Variants in SPTBN1 observed in about 807,000 individuals in gnomAD.
SPTBN1 encodes spectrin beta chain, non-erythrocytic 1.
SPTBN1 carries 32 observed loss-of-function variants against 266.4 expected under a neutral mutation model. That is an observed-to-expected ratio of 0.12 (90% CI 0.09 to 0.16). SPTBN1 has a LOEUF of 0.16. Ranked by LOEUF, SPTBN1 falls within the 10% of genes least tolerant of loss-of-function variation. The probability of loss-of-function intolerance (pLI) is 1.00; values close to 1 mark genes in which losing one functional copy is unlikely to be tolerated. For missense variants in SPTBN1, 2,296 were observed against 3,067.1 expected (o/e 0.75, Z 5.94); for synonymous variants, 1,336 against 1,162.2 (o/e 1.15, Z -3.04).
chr2:54,524,010 C>A (rs570567636), intron 1 of SPTBN1, among the ~76,000 whole-genome samples: 37 of 152,052 alleles, frequency 2.4e-4, no homozygotes, highest in African/African-American at 8.4e-4. Flanking sequence ...ACCAGCCTGG[C>A]CAATATAGTG....
At chr2:54,520,947 TG>T (rs1227571368) in intron 1 of SPTBN1, among the ~76,000 whole-genome samples, 1 of 152,120 alleles carries the variant, frequency 6.6e-6, no homozygotes, top group Non-Finnish European at 1.5e-5. Context: ...TTCCTAATGG[TG>T]GAACCACCAG....
chr2:54,478,133 T>C (rs1044219158), intron 1 of SPTBN1, among the ~76,000 whole-genome samples: 6 of 152,108 alleles, frequency 3.9e-5, no homozygotes, highest in Non-Finnish European at 7.3e-5. Context: ...TATCCAGGGA[T>C]ATGACAAACA....
chr2:54,658,415 C>T (rs1303777176), intron 30 of SPTBN1, among the ~76,000 whole-genome samples: 1 of 152,148 alleles, frequency 6.6e-6, no homozygotes, highest in African/African-American at 2.4e-5. Flanking sequence ...AATTAGAATT[C>T]CCATCAAATG....
chr2:54,648,797 G>T (rs1047345278), intron 24 of SPTBN1, among the ~76,000 whole-genome samples, 189 bp from the exon 25 acceptor site: 11 of 152,094 alleles, frequency 7.2e-5, no homozygotes, highest in Non-Finnish European at 1.0e-4. Context: ...TTACATATTG[G>T]CTCTTCACGA....
At chr2:54,569,055 C>T (rs1451470396) in intron 2 of SPTBN1, among the ~76,000 whole-genome samples, 1 of 152,136 alleles carries the variant, frequency 6.6e-6, no homozygotes, top group African/African-American at 2.4e-5. Context: ...ATGGTAAGTG[C>T]TCATTTCCTC....
intron 11 of SPTBN1, 51 bp downstream of exon 11, chr2:54,625,013 C>T: frequency 6.6e-7 from 1 of 1,522,234 alleles, no homozygotes; most frequent in South Asian, 1.3e-5. Flanking sequence ...AATCTAGAAA[C>T]ACAGACCATC....
chr2:54,498,641 T>C (rs1184321965), intron 1 of SPTBN1, among the ~76,000 whole-genome samples: 1 of 152,248 alleles, frequency 6.6e-6, no homozygotes, highest in Non-Finnish European at 1.5e-5. Context: ...CAACTATATA[T>C]ACATCCCTAA....
chr2:54,576,804 G>C (rs1674514129), intron 2 of SPTBN1, among the ~76,000 whole-genome samples: 2 of 152,330 alleles, frequency 1.3e-5, no homozygotes, highest in Non-Finnish European at 2.9e-5. Context: ...GTAAGGGACA[G>C]CCACGGTCTC....
chr2:54,589,879 ATTCTT>A (rs1346217648), intron 2 of SPTBN1, among the ~76,000 whole-genome samples: 1 of 152,188 alleles, frequency 6.6e-6, no homozygotes. Context: ...CCCTACCACT[ATTCTT>A]TTGTTTTGAG....
At chr2:54,522,658 A>AGAGGG (rs1670520974) in intron 1 of SPTBN1, among the ~76,000 whole-genome samples, 4 of 81,800 alleles carry the variant, frequency 4.9e-5, no homozygotes, top group African/African-American at 1.7e-4. Context: ...GAGAGAGAGA[A>AGAGGG]AGAGAGAGAG....
chr2:54,477,858 C>T (rs1212324863), intron 1 of SPTBN1, among the ~76,000 whole-genome samples: 2 of 152,000 alleles, frequency 1.3e-5, no homozygotes, highest in Non-Finnish European at 2.9e-5. Context: ...TTGCAGTGAG[C>T]CAAGATCATG....
chr2:54,651,147 A>G (rs1482051869), intron 26 of SPTBN1, among the ~76,000 whole-genome samples: 1 of 152,254 alleles, frequency 6.6e-6, no homozygotes, highest in Non-Finnish European at 1.5e-5. Flanking sequence ...ATAGAATTAG[A>G]AAACACCTTG....
At chr2:54,508,184 G>A (rs1024231481) in intron 1 of SPTBN1, among the ~76,000 whole-genome samples, 1 of 152,172 alleles carries the variant, frequency 6.6e-6, no homozygotes, top group African/African-American at 2.4e-5. Context: ...TTATCGGACT[G>A]TATAGAGGTG....
At chr2:54,661,143 C>CT (rs1681015605) in intron 32 of SPTBN1, 4 of 985,284 alleles carry the variant, frequency 4.1e-6, no homozygotes, top group Non-Finnish European at 4.8e-6. Flanking sequence ...TTTCTCAAGA[C>CT]TTTTTGTGGA....
At position 54,484,057 on chromosome 2, in the gene SPTBN1, T is replaced by C. The variant is rs1384505478; in HGVS notation, c.-48+27539T>C. Among the ~76,000 whole-genome samples the C allele has an allele frequency of 9.9e-5, 15 of 152,052 alleles. No individual in the cohort carries two copies. The East Asian group carries it at 2.7e-3, about 27-fold the overall frequency. On this transcript the variant is annotated intron_variant, in intron 1 of 35. Transcript: ENST00000356805. The stretch of plus-strand genomic sequence containing the variant: ...AAAAAATACAAAAATTGGCTGGGCA[T>C]GGTGGTATGTGCCTGTGCCTTGGGA...
At chr2:54,538,311 G>A (rs1356081747) in intron 2 of SPTBN1, among the ~76,000 whole-genome samples, 2 of 152,178 alleles carry the variant, frequency 1.3e-5, no homozygotes, top group African/African-American at 4.8e-5. Context: ...TCTATCCCAA[G>A]CTTGCATCTT....
Position 54,618,063 on chromosome 2 carries a change from T to C in SPTBN1, c.648-15T>C. ...AGCCATGATTTTTGTTGTGTCCCAC[T>C]GTTGTTCTGCACAGGCCTGACCTGA... is the stretch of plus-strand genomic sequence containing the variant. On this transcript the variant is annotated splice_polypyrimidine_tract_variant and intron_variant, in intron 6 of 35. Coordinates refer to ENST00000356805, the MANE Select transcript of SPTBN1 (RefSeq NM_003128.3). 1 of 1,601,110 alleles carries C rather than the reference T, an allele frequency of 6.2e-7. No individual in the cohort carries two copies. The highest frequency in any genetic ancestry group is 8.5e-7 in the Non-Finnish European group (1 of 1,170,880).
intron 2 of SPTBN1, among the ~76,000 whole-genome samples, chr2:54,553,241 G>A (rs1311984392): frequency 2.6e-5 from 4 of 152,208 alleles, no homozygotes; most frequent in African/African-American, 7.2e-5. Flanking sequence ...GCAACTAGTA[G>A]TTAGGGAGTG....
rs1681556301 is a variant in SPTBN1, at chr2:54,668,772, G to A, written c.*203G>A. The A allele has an allele frequency of 3.8e-6, 2 of 529,440 alleles. No individual in the cohort carries two copies. Among genetic ancestry groups the A allele is most frequent in the East Asian group, 3.4e-5 (1 of 29,454 alleles). The allele number at this position is 529,440 out of a possible 1,614,324, so 32.8% of individuals were successfully genotyped here. A position where few individuals can be genotyped will look rare whatever the true frequency, so the allele number is the denominator to read the frequency against. On this transcript the variant is annotated 3_prime_UTR_variant, in exon 36 of 36. Transcript: ENST00000356805. Reference sequence around the variant, plus strand: ...TCTCCAAGTTACAAAAGTTTGAGGTGCAGAGGGAAGGCCAGATTTTTTTTT... The same window carrying A: ...TCTCCAAGTTACAAAAGTTTGAGGTACAGAGGGAAGGCCAGATTTTTTTTT...
Sources: allele counts gnomAD v4.1 joint callset (sites outside exome capture counted in the v4.1 genomes callset), GRCh38; gene constraint gnomAD v4.1.1; transcripts MANE v1.5; gene names NCBI Gene and HGNC (gene_info 2026-07-23, HGNC 2026-07-21).